Variants in PLCXD3 observed in about 807,000 individuals in gnomAD.
PLCXD3 encodes phosphatidylinositol specific phospholipase C X domain containing 3, also known as PI-PLC X domain-containing protein 3.
PLCXD3 carries 19 observed loss-of-function variants against 25.5 expected under a neutral mutation model. The ratio of observed to expected loss-of-function variants is 0.75; its 90% confidence interval spans 0.52 to 1.09. The LOEUF is 1.09. Among genes scored for constraint, PLCXD3 ranks in the 50% least tolerant of loss-of-function variants. PLCXD3 has a pLI of 0.00. For synonymous variants in PLCXD3, 174 were observed against 137.6 expected (o/e 1.26, Z -1.85); for missense variants, 411 against 388.1 (o/e 1.06, Z -0.50).
At chr5:41,392,268 T>TA (rs771124922) in intron 1 of PLCXD3, among the ~76,000 whole-genome samples, 3 of 152,132 alleles carry the variant, frequency 2.0e-5, no homozygotes, top group Non-Finnish European at 4.4e-5. Flanking sequence ...AGCACAGTCA[T>TA]AATTGTGGTT....
rs1272043898 is a variant in PLCXD3, at chr5:41,420,819, T to A, written c.104-38285A>T. ...CTAACTTTGTCACATCACCTTTGCA[T>A]TGTCTGCAAGTTCTTGGTTGCCGTC... On this transcript the variant is annotated intron_variant, in intron 1 of 2. Coordinates refer to ENST00000377801, the MANE Select transcript of PLCXD3 (RefSeq NM_001005473.3). Among the ~76,000 whole-genome samples the A allele has an allele frequency of 5.3e-5, 8 of 152,364 alleles. 1 individual carries two copies. The South Asian group carries it at 1.7e-3, about 32-fold the overall frequency.
intron 1 of PLCXD3, among the ~76,000 whole-genome samples, chr5:41,387,987 A>G (rs902607972): frequency 1.3e-5 from 2 of 152,124 alleles, no homozygotes; most frequent in African/African-American, 4.8e-5. Context: ...AAAGAACTAG[A>G]CTAAATGCAA....
At chr5:41,358,351 G>A (rs1183280956) in intron 2 of PLCXD3, among the ~76,000 whole-genome samples, 1 of 151,984 alleles carries the variant, frequency 6.6e-6, no homozygotes, top group Non-Finnish European at 1.5e-5. Flanking sequence ...GGTTGTGTTT[G>A]GTTGCATGAA....
chr5:41,474,276 T>C (rs1318723354), intron 1 of PLCXD3, among the ~76,000 whole-genome samples: 1 of 152,134 alleles, frequency 6.6e-6, no homozygotes, highest in Non-Finnish European at 1.5e-5. Context: ...TTCATATTAT[T>C]ACTAACAGGC....
intron 1 of PLCXD3, among the ~76,000 whole-genome samples, chr5:41,502,534 G>T (rs1192863280): frequency 6.6e-6 from 1 of 152,088 alleles, no homozygotes; most frequent in Non-Finnish European, 1.5e-5. Flanking sequence ...TAGGAAGAAG[G>T]TGTTGATTTG....
chr5:41,473,916 A>T (rs1037491446), intron 1 of PLCXD3, among the ~76,000 whole-genome samples: 2 of 152,122 alleles, frequency 1.3e-5, no homozygotes, highest in African/African-American at 4.8e-5. Flanking sequence ...AATTTATGAG[A>T]GGCCCCTTCC....
chr5:41,378,723 A>G (rs1024438163), intron 2 of PLCXD3, among the ~76,000 whole-genome samples: 1 of 152,126 alleles, frequency 6.6e-6, no homozygotes, highest in African/African-American at 2.4e-5. Context: ...TTTACATGCT[A>G]AAGTACACTG....
chr5:41,499,864 T>G (rs1748917140), intron 1 of PLCXD3, among the ~76,000 whole-genome samples: 1 of 151,566 alleles, frequency 6.6e-6, no homozygotes, highest in South Asian at 2.1e-4. Context: ...TTTGACAAAA[T>G]ACTAAGAATA....
chr5:41,325,455 C>A (rs1743599810), intron 2 of PLCXD3, among the ~76,000 whole-genome samples: 1 of 152,150 alleles, frequency 6.6e-6, no homozygotes, highest in South Asian at 2.1e-4. Flanking sequence ...TCATTATTAC[C>A]TCCCAAGGAG....
intron 1 of PLCXD3, among the ~76,000 whole-genome samples, chr5:41,502,059 T>C (rs892364654): frequency 1.3e-5 from 2 of 152,106 alleles, no homozygotes; most frequent in African/African-American, 4.8e-5. Context: ...CTGACTGGAA[T>C]GATCCCATAG....
rs111859035 is a variant in PLCXD3 at position 41,444,914 on chromosome 5, G to A, written c.104-62380C>T. ...TGACAATAAATTATTAGAATATTTT[G>A]GGGGTATTCTACTTTAAAACGTAAG... On this transcript the variant is annotated intron_variant, in intron 1 of 2. Coordinates refer to ENST00000377801, the MANE Select transcript of PLCXD3 (RefSeq NM_001005473.3). Among the ~76,000 whole-genome samples the A allele has an allele frequency of 3.7e-3, 567 of 152,228 alleles. 7 individuals carry two copies. The highest frequency in any genetic ancestry group is 0.011 in the African/African-American group (474 of 41,546).
chr5:41,365,910 C>CATTTATTT (rs71608604), intron 2 of PLCXD3, among the ~76,000 whole-genome samples: 51 of 147,610 alleles, frequency 3.5e-4, no homozygotes, highest in East Asian at 8.0e-4. Flanking sequence ...AATAGGTCAC[C>CATTTATTT]ATTTATTTAT....
intron 1 of PLCXD3, among the ~76,000 whole-genome samples, chr5:41,499,716 C>T (rs1748914905): frequency 6.6e-6 from 1 of 151,700 alleles, no homozygotes; most frequent in South Asian, 2.1e-4. Flanking sequence ...AGCTGGAGGC[C>T]TCACACCTTC....
chr5:41,463,251 C>T (rs974923843), intron 1 of PLCXD3, among the ~76,000 whole-genome samples: 4 of 151,954 alleles, frequency 2.6e-5, no homozygotes, highest in African/African-American at 9.7e-5. Context: ...AAATTTATCT[C>T]TCACAGTTCT....
intron 2 of PLCXD3, among the ~76,000 whole-genome samples, chr5:41,334,491 C>G (rs1477458682): frequency 6.6e-6 from 1 of 152,112 alleles, no homozygotes; most frequent in Non-Finnish European, 1.5e-5. Context: ...CTCATCCTAA[C>G]GACACTGGAT....
chr5:41,452,606 A>G (rs917083068), intron 1 of PLCXD3, among the ~76,000 whole-genome samples: 4 of 152,066 alleles, frequency 2.6e-5, no homozygotes, highest in Non-Finnish European at 4.4e-5. Flanking sequence ...ACAAAAGCAG[A>G]TGCAAAGGCA....
chr5:41,410,454 G>C (rs964103683), intron 1 of PLCXD3, among the ~76,000 whole-genome samples: 8 of 151,798 alleles, frequency 5.3e-5, no homozygotes, highest in African/African-American at 1.7e-4. Flanking sequence ...CCGCCCCCCA[G>C]CTCCTTTTAT....
intron 2 of PLCXD3, among the ~76,000 whole-genome samples, chr5:41,367,935 A>G (rs1744984149): frequency 1.3e-5 from 2 of 152,112 alleles, no homozygotes; most frequent in South Asian, 4.1e-4. Flanking sequence ...GGTTTGTCAA[A>G]AATCAGATGG....
intron 1 of PLCXD3, among the ~76,000 whole-genome samples, chr5:41,504,387 T>A (rs1051742756): frequency 6.6e-6 from 1 of 152,148 alleles, no homozygotes; most frequent in African/African-American, 2.4e-5. Context: ...CCCAGCCACA[T>A]AAAATCATAC....
Sources: gnomAD v4.1 joint callset for allele counts (sites outside exome capture counted in the v4.1 genomes callset) on GRCh38, gnomAD v4.1.1 for gene constraint, MANE v1.5 for transcripts, NCBI Gene and HGNC (gene_info 2026-07-23, HGNC 2026-07-21) for gene names.